The following SPTB variants were observed in gnomAD, a reference collection of about 807,000 sequenced individuals.
SPTB encodes spectrin beta, erythrocytic, also known as spectrin beta chain, erythrocytic.
A neutral mutation model predicts 256.2 loss-of-function variants in SPTB; 45 were observed. The observed-to-expected ratio is 0.18, with a 90% CI of 0.14 to 0.23. The LOEUF (loss-of-function observed/expected upper bound fraction) is 0.23, where lower values mean the gene tolerates loss of function less well. SPTB is among the 10% of genes least tolerant of loss of function. The pLI, the probability that SPTB is intolerant of heterozygous loss-of-function variation, is 1.00. For synonymous variants in SPTB, 1,231 were observed against 1,243.1 expected (o/e 0.99, Z 0.21); for missense variants, 2,715 against 3,040.4 (o/e 0.89, Z 2.52).
chr14:64,795,393 G>A lies in SPTB; in HGVS notation c.1588C>T (p.Leu530=). 6.2e-7 allele frequency: 1 copy of A among 1,614,018 alleles called. No individual in the cohort carries two copies. The highest frequency in any genetic ancestry group is 8.5e-7 in the Non-Finnish European group (1 of 1,180,040). Reference sequence around the variant, plus strand: ...AGCATGTCCTGGAAGAGCTTCTGCAGTGCCAGGGTGGTCTCGAGCCTCTGG... The same window carrying A: ...AGCATGTCCTGGAAGAGCTTCTGCAATGCCAGGGTGGTCTCGAGCCTCTGG... ...RRQRLETTLA[L]QKLFQDMLHS... Residue 530 remains leucine, a synonymous_variant, in exon 12 of 36, where the codon CTG becomes TTG. Transcript: ENST00000644917. This position sits in a 1 kb window ranked among gnomAD's most constrained non-coding sequence, Gnocchi z 6.5.
At chr14:64,832,557 T>G (rs2083465816) in intron 1 of SPTB, among the ~76,000 whole-genome samples, 1 of 152,204 alleles carries the variant, frequency 6.6e-6, no homozygotes, top group African/African-American at 2.4e-5. Context: ...CATCTTATGC[T>G]AATGACTTTC....
rs2082683646 is a variant in SPTB at position 64,792,030 on chromosome 14, G to A, written c.2667-174C>T. Among the ~76,000 whole-genome samples the A allele has an allele frequency of 1.3e-5, 2 of 152,226 alleles. No individual in the cohort carries two copies. Among genetic ancestry groups the A allele is most frequent in the African/African-American group, 2.4e-5 (1 of 41,466 alleles). ...ACAGATATGCTGGCCCTCCTTTCTG[G>A]TTCATGGGTTTGATTTCATGAGTTA... On this transcript the variant is annotated intron_variant, in intron 14 of 35. Coordinates refer to ENST00000644917, the MANE Select transcript of SPTB (RefSeq NM_001355436.2). This position sits in a 1 kb window ranked among gnomAD's most constrained non-coding sequence, Gnocchi z 4.2.
chr14:64,787,131 T>C lies in SPTB; in HGVS notation c.2834A>G (p.Glu945Gly). ...RWQAFQTLVS[E>G]RREAVDSALR... ...GGCTGAGTCCACAGCCTCCCGCCGCTCCGACACCAGGGTCTGAAATGCCTG... is the reference window on the plus strand; with the variant it reads ...GGCTGAGTCCACAGCCTCCCGCCGCCCCGACACCAGGGTCTGAAATGCCTG... The change falls in exon 16 of 36, where the codon GAG (glutamate) becomes GGG (glycine). Residue 945 changes from glutamate (E) to glycine (G), a missense_variant. Physicochemically the swap from Glu to Gly is moderately conservative, Grantham distance 98. This residue lies in a region of SPTB where 2,239 missense variants were observed against 2,384.4 expected (regional missense o/e 0.94). Transcript: ENST00000644917. The C allele has an allele frequency of 6.2e-7, 1 of 1,607,646 alleles. No individual in the cohort carries two copies.
rs1011578614 is a variant in SPTB at position 64,853,095 on chromosome 14, C to T, written c.-52+26697G>A. The stretch of plus-strand genomic sequence containing the variant: ...GACAGGCAATGGGACAAATAAGAGA[C>T]AGGCAAAGAATGGGGAAAGAGCATG... On this transcript the variant is annotated intron_variant, in intron 1 of 35. Transcript: ENST00000644917. The surrounding 1 kb of genome is among the most constrained non-coding windows in gnomAD (Gnocchi z 4.3). 6.6e-6 allele frequency among the ~76,000 whole-genome samples: 1 copy of T among 151,902 alleles called. No homozygotes were observed. Among genetic ancestry groups the T allele is most frequent in the Non-Finnish European group, 1.5e-5 (1 of 68,028 alleles).
intron 1 of SPTB, among the ~76,000 whole-genome samples, chr14:64,846,964 A>G (rs1448903178): frequency 2.0e-5 from 3 of 152,170 alleles, no homozygotes; most frequent in Non-Finnish European, 4.4e-5. Context: ...GCAACACGGC[A>G]TCAAGCTTGA....
rs1460550678 is a variant in SPTB at position 64,816,372 on chromosome 14, C to T, written c.148+6575G>A. On this transcript the variant is annotated intron_variant, in intron 2 of 35. Coordinates refer to ENST00000644917, the MANE Select transcript of SPTB (RefSeq NM_001355436.2). This position sits in a 1 kb window ranked among gnomAD's most constrained non-coding sequence, Gnocchi z 4.2. ...CCCCTTTTGAGTTTTTCTCTGCTTC[C>T]TGCCCAGGACCTTGGCAACACCGGT... Among the ~76,000 whole-genome samples the T allele has an allele frequency of 6.6e-6, 1 of 152,160 alleles. No homozygotes were observed. The highest frequency in any genetic ancestry group is 1.9e-4 in the East Asian group (1 of 5,186).
chr14:64,773,570 G>A (rs571095934), intron 24 of SPTB, 146 bp from the exon 25 acceptor site: 24 of 878,892 alleles, frequency 2.7e-5, no homozygotes, highest in Middle Eastern at 3.3e-4. Context: ...GGGCTTTGCC[G>A]GGGAAGAGCT....
chr14:64,817,813 C>T (rs543588284), intron 2 of SPTB, among the ~76,000 whole-genome samples: 109 of 152,344 alleles, frequency 7.2e-4, no homozygotes, highest in African/African-American at 2.4e-3. Context: ...CTGGGGAGTT[C>T]CTGGCAGCCA....
At chr14:64,757,860 A>C (rs191006492) in intron 32 of SPTB, among the ~76,000 whole-genome samples, 25 of 152,284 alleles carry the variant, frequency 1.6e-4, no homozygotes, top group African/African-American at 5.8e-4. Context: ...GAGCAGAGAC[A>C]CCGATGAGCT....
chr14:64,753,785 T>C lies in SPTB; in HGVS notation c.6354A>G (p.Glu2118=), dbSNP rs1019799716. The C allele has an allele frequency of 1.2e-6, 2 of 1,612,636 alleles. No individual in the cohort carries two copies. Among genetic ancestry groups the C allele is most frequent in the Non-Finnish European group, 1.7e-6 (2 of 1,179,640 alleles). ...AATERTSPGE[E]EGTWPQNLQQ... The stretch of plus-strand genomic sequence containing the variant: ...GCAGGTTCTGAGGCCACGTTCCCTC[T>C]TCTTCCCCCTGCTCAGGGCATAGGG... The change falls in exon 33 of 36, where the codon GAA becomes GAG. Residue 2118 remains glutamate (E), a synonymous_variant. Coordinates refer to ENST00000644917, the MANE Select transcript of SPTB (RefSeq NM_001355436.2).
rs773172762 is a variant in SPTB at position 64,769,025 on chromosome 14, TG to T, written c.6022+8del. The T allele has an allele frequency of 6.2e-7, 1 of 1,611,252 alleles. No individual in the cohort carries two copies. The highest frequency in any genetic ancestry group is 8.5e-7 in the Non-Finnish European group (1 of 1,179,088). On this transcript the variant is annotated splice_region_variant and intron_variant, in intron 29 of 35. Coordinates refer to ENST00000644917, the MANE Select transcript of SPTB (RefSeq NM_001355436.2). ...TGCCCCTGGGCCCTGGCTCCAGGGC[TG>T]TACTCACACATGCGGAGCCGCTCCC... is the stretch of plus-strand genomic sequence containing the variant.
At chr14:64,766,597 A>C in intron 32 of SPTB, 129 bp downstream of exon 32, 1 of 1,605,342 alleles carries the variant, frequency 6.2e-7, no homozygotes, top group Non-Finnish European at 8.5e-7. Flanking sequence ...GGCTGCAGGG[A>C]TGTGGGGAGG....
chr14:64,766,394 C>G, intron 32 of SPTB: 1 of 1,348,794 alleles, frequency 7.4e-7, no homozygotes, highest in South Asian at 1.6e-5. Flanking sequence ...CTAATCATCT[C>G]TGGCTAGTGT....
chr14:64,865,789 G>A (rs1344408210), intron 1 of SPTB, among the ~76,000 whole-genome samples: 3 of 152,176 alleles, frequency 2.0e-5, no homozygotes, highest in Admixed American at 2.0e-4. Flanking sequence ...GAGGATACTG[G>A]CTTCCTCTCC....
chr14:64,803,678 A>C lies in SPTB; in HGVS notation c.403T>G (p.Ser135Ala). 1 of 1,614,120 alleles carries C rather than the reference A, an allele frequency of 6.2e-7. No homozygotes were observed. Among genetic ancestry groups the C allele is most frequent in the South Asian group, 1.1e-5 (1 of 91,084 alleles). Residue 135 changes from serine (S) to alanine (A), a missense_variant, in exon 4 of 36, where the codon TCC becomes GCC. By Grantham distance (99) the Ser-to-Ala change is moderately conservative (BLOSUM62 1). Coordinates refer to ENST00000644917, the MANE Select transcript of SPTB (RefSeq NM_001355436.2). ...TGGTTGCCATCTACAATGTCGTGGG[A>C]GCCCATGTTCTCCAGGTGTACACGC... ...EQRVHLENMG[S>A]HDIVDGNHRL...
At chr14:64,851,876 G>C (rs979775425) in intron 1 of SPTB, among the ~76,000 whole-genome samples, 13 of 151,956 alleles carry the variant, frequency 8.6e-5, no homozygotes. Context: ...GGGGTGGAGG[G>C]GGGAGGGAGA....
intron 1 of SPTB, among the ~76,000 whole-genome samples, chr14:64,865,144 A>T (rs1292657598): frequency 1.3e-5 from 2 of 152,042 alleles, no homozygotes; most frequent in Non-Finnish European, 2.9e-5. Context: ...CCCCCTTCAC[A>T]TTTCAGTGAG....
At chr14:64,750,966 CATATA>C (rs1169865628) in intron 33 of SPTB, among the ~76,000 whole-genome samples, 1 of 143,478 alleles carries the variant, frequency 7.0e-6, no homozygotes, top group Admixed American at 7.0e-5. Context: ...TTTTATACAT[CATATA>C]ATGTATATTT....
intron 15 of SPTB, among the ~76,000 whole-genome samples, chr14:64,787,604 G>A (rs1199465876): frequency 2.6e-5 from 4 of 152,204 alleles, no homozygotes; most frequent in South Asian, 2.1e-4. Flanking sequence ...CACATGCAAC[G>A]TCTCCTAGGG....
Sources: gnomAD v4.1 joint callset for allele counts (sites outside exome capture counted in the v4.1 genomes callset) on GRCh38, gnomAD v4.1.1 for gene constraint, gnomAD v4.1.1 regional missense constraint, Gnocchi (gnomAD v3.1) non-coding constraint, MANE v1.5 for transcripts, NCBI Gene and HGNC (gene_info 2026-07-23, HGNC 2026-07-21) for gene names.